Variants in SMURF1 observed in about 807,000 individuals in gnomAD.
SMURF1 encodes SMAD specific E3 ubiquitin protein ligase 1, also known as E3 ubiquitin-protein ligase SMURF1.
In SMURF1, 44 loss-of-function variants were observed where a neutral mutation model predicts 98.0. The observed-to-expected ratio is 0.45, with a 90% confidence interval of 0.35 to 0.58. SMURF1 has a LOEUF of 0.58. Ranked by LOEUF, SMURF1 falls within the 20% of genes least tolerant of loss-of-function variation. The pLI, the probability that SMURF1 is intolerant of heterozygous loss-of-function variation, is 0.00. For synonymous variants in SMURF1, 396 were observed against 374.9 expected (o/e 1.06, Z -0.65); for missense variants, 687 against 938.4 (o/e 0.73, Z 3.50).
At position 99,045,727 on chromosome 7, in the gene SMURF1, T is replaced by C. The variant is rs762709156; in HGVS notation, c.1227A>G (p.Glu409=). 1.2e-6 allele frequency: 2 copies of C among 1,614,068 alleles called. No homozygotes were observed. The highest frequency in any genetic ancestry group is 1.3e-5 in the African/African-American group (1 of 74,942). The change falls in exon 11 of 18, where the codon GAA becomes GAG. Residue 409 remains glutamate, a synonymous_variant. Coordinates refer to ENST00000361368, the MANE Select transcript of SMURF1 (RefSeq NM_181349.3). Reference sequence around the variant, plus strand: ...CCACACCACCGTAATCCAAACCTTCTTCCCCACGGAATTTCACCATCAGCC... The same window carrying C: ...CCACACCACCGTAATCCAAACCTTCCTCCCCACGGAATTTCACCATCAGCC... ...KKRLMVKFRG[E]EGLDYGGVAR... is the part of the protein sequence containing the mutation.
At chr7:99,051,719 GGGAGATTT>G (rs1452524480) in intron 7 of SMURF1, among the ~76,000 whole-genome samples, 1 of 152,136 alleles carries the variant, frequency 6.6e-6, no homozygotes, top group Non-Finnish European at 1.5e-5. Context: ...TTTCTAAACT[GGGAGATTT>G]GGAGCAATTG....
At chr7:99,066,324 A>G (rs545797372) in intron 1 of SMURF1, among the ~76,000 whole-genome samples, 1 of 152,096 alleles carries the variant, frequency 6.6e-6, no homozygotes, top group Non-Finnish European at 1.5e-5. Flanking sequence ...TGGTTTTTGG[A>G]GGTGCTGGTG....
intron 1 of SMURF1, among the ~76,000 whole-genome samples, chr7:99,078,941 C>T (rs183054362): frequency 3.9e-5 from 6 of 152,340 alleles, no homozygotes; most frequent in East Asian, 1.9e-4. Context: ...CCCCTGTCCA[C>T]GGAAAAATTG....
rs140622608 is a variant in SMURF1 at position 99,094,931 on chromosome 7, T to C, written c.56-33094A>G. 8.0e-3 allele frequency among the ~76,000 whole-genome samples: 1,218 copies of C among 152,310 alleles called. 8 individuals carry two copies. Among genetic ancestry groups the C allele is most frequent in the Non-Finnish European group, 0.013 (874 of 68,022 alleles). On this transcript the variant is annotated intron_variant, in intron 1 of 17. Coordinates refer to ENST00000361368, the MANE Select transcript of SMURF1 (RefSeq NM_181349.3). ...CAGAGGCTCCCTCAGTTTGGCTACC[T>C]GCACTGGCTCCATCAATGGCCACTA... is the stretch of plus-strand genomic sequence containing the variant.
At chr7:99,113,172 C>T (rs1034132218) in intron 1 of SMURF1, among the ~76,000 whole-genome samples, 6 of 152,012 alleles carry the variant, frequency 3.9e-5, no homozygotes, top group African/African-American at 9.7e-5. Context: ...ATTCAAGAAG[C>T]TAAACAAACT....
intron 2 of SMURF1, 57 bp from the exon 3 acceptor site, chr7:99,060,764 C>A: frequency 9.0e-7 from 1 of 1,106,724 alleles, no homozygotes; most frequent in South Asian, 1.4e-5. Context: ...CCATGTGACA[C>A]AGAACACACA....
rs143544626 is a variant in SMURF1 at position 99,051,374 on chromosome 7, G to A, written c.789C>T (p.His263=). ...LHTQTGVSTW[H]DPRIPRDLNS... ...AGGCTTACCTTGGTATCCTGGGGTC[G>A]TGCCACGTGCTAACTCCAGTCTGTG... The change falls in exon 8 of 18, where the codon CAC becomes CAT. Residue 263 remains histidine, a synonymous_variant. Coordinates refer to ENST00000361368, the MANE Select transcript of SMURF1 (RefSeq NM_181349.3). 1.8e-4 allele frequency: 290 copies of A among 1,614,044 alleles called. No individual in the cohort carries two copies. The highest frequency in any genetic ancestry group is 1.2e-3 in the East Asian group (53 of 44,878).
At position 99,052,244 on chromosome 7, in the gene SMURF1, G is replaced by T. The variant is rs1044934392; in HGVS notation, c.682C>A (p.Pro228Thr). 1 of 1,595,454 alleles carries T rather than the reference G, an allele frequency of 6.3e-7. No homozygotes were observed. The highest frequency in any genetic ancestry group is 1.7e-5 in the Admixed American group (1 of 58,580). The change falls in exon 7 of 18, where the codon CCA (proline) becomes ACA (threonine). Residue 228 changes from proline (P) to threonine (T), a missense_variant. Pro to Thr is a conservative substitution (Grantham distance 38, BLOSUM62 -1). This residue lies in a region of SMURF1 where 415 missense variants were observed against 508.4 expected (regional missense o/e 0.82). Coordinates refer to ENST00000361368, the MANE Select transcript of SMURF1 (RefSeq NM_181349.3). ...RGSLQTPQNRPHGHQSPELPE... is the reference protein window; with the variant it reads ...RGSLQTPQNRTHGHQSPELPE... Reference sequence around the variant, plus strand: ...AGTTCCGGGGACTGGTGGCCGTGTGGTCGGTTCTGGGGCGTCTGTAGTGAA... The same window carrying T: ...AGTTCCGGGGACTGGTGGCCGTGTGTTCGGTTCTGGGGCGTCTGTAGTGAA...
intron 1 of SMURF1, among the ~76,000 whole-genome samples, chr7:99,080,159 T>C (rs1434656338): frequency 6.6e-6 from 1 of 152,192 alleles, no homozygotes; most frequent in Non-Finnish European, 1.5e-5. Flanking sequence ...ATAGCTAGAA[T>C]GAAACATTTT....
Position 99,143,790 on chromosome 7 carries a change from A to G in SMURF1, c.-10T>C. On this transcript the variant is annotated 5_prime_UTR_variant, in exon 1 of 18. Transcript: ENST00000361368. ...TCCCGGGGTTCGACATCTCCCGCCA[A>G]CGATCGGGCAGCCGCGGATCCAGCG... 1 of 1,530,888 alleles carries G rather than the reference A, an allele frequency of 6.5e-7. No individual in the cohort carries two copies. The highest frequency in any genetic ancestry group is 8.8e-7 in the Non-Finnish European group (1 of 1,138,786). The allele number at this position is 1,530,888 out of a possible 1,614,324, so 94.8% of individuals were successfully genotyped here. A position where few individuals can be genotyped will look rare whatever the true frequency, so the allele number is the denominator to read the frequency against.
chr7:99,086,282 G>A (rs1036472921), intron 1 of SMURF1, among the ~76,000 whole-genome samples: 1 of 151,760 alleles, frequency 6.6e-6, no homozygotes, highest in African/African-American at 2.4e-5. Flanking sequence ...GGAGACGGAA[G>A]TTTCATTGAG....
chr7:99,142,839 G>T (rs999791538), intron 1 of SMURF1, among the ~76,000 whole-genome samples: 1 of 149,344 alleles, frequency 6.7e-6, no homozygotes, highest in South Asian at 2.1e-4. Context: ...GTGGTGAGAA[G>T]TGAGGGATGG....
intron 1 of SMURF1, among the ~76,000 whole-genome samples, chr7:99,104,481 A>G (rs1471664859): frequency 6.6e-6 from 1 of 152,130 alleles, no homozygotes; most frequent in Non-Finnish European, 1.5e-5. Flanking sequence ...AACCCACGTG[A>G]TCTTGGGCAA....
chr7:99,080,089 A>G (rs971964664), intron 1 of SMURF1, among the ~76,000 whole-genome samples: 3 of 152,174 alleles, frequency 2.0e-5, no homozygotes, highest in African/African-American at 7.2e-5. Context: ...AGAAAATAAA[A>G]CCACAAGGAA....
intron 6 of SMURF1, among the ~76,000 whole-genome samples, chr7:99,053,617 TTGTC>T (rs1795812466): frequency 2.0e-5 from 3 of 152,224 alleles, no homozygotes; most frequent in Admixed American, 6.5e-5. Context: ...AGACCCTGGG[TTGTC>T]TGTCCTACAG....
intron 1 of SMURF1, among the ~76,000 whole-genome samples, chr7:99,133,549 G>A (rs868077693): frequency 1.3e-5 from 2 of 151,262 alleles, no homozygotes; most frequent in African/African-American, 2.5e-5. Context: ...ACTCTCATAC[G>A]CCACTGGTGG....
intron 9 of SMURF1, 21 bp from the exon 10 acceptor site, chr7:99,047,903 A>C (rs1456887201): frequency 2.5e-6 from 4 of 1,610,858 alleles, no homozygotes; most frequent in Admixed American, 1.7e-5. Flanking sequence ...AGAGATGCAG[A>C]AAGTCACTCC....
intron 1 of SMURF1, among the ~76,000 whole-genome samples, chr7:99,104,959 A>G (rs893571126): frequency 1.3e-5 from 2 of 152,186 alleles, no homozygotes; most frequent in Non-Finnish European, 2.9e-5. Context: ...AGGCGCTCCT[A>G]GCAGCCTTCC....
At chr7:99,096,746 C>T (rs1796963699) in intron 1 of SMURF1, among the ~76,000 whole-genome samples, 1 of 152,140 alleles carries the variant, frequency 6.6e-6, no homozygotes, top group Non-Finnish European at 1.5e-5. Context: ...ATTGACAGAG[C>T]TAGTAGACAG....
Sources: gnomAD v4.1 joint callset for allele counts (sites outside exome capture counted in the v4.1 genomes callset) on GRCh38, gnomAD v4.1.1 for gene constraint, gnomAD v4.1.1 regional missense constraint, MANE v1.5 for transcripts, NCBI Gene and HGNC (gene_info 2026-07-23, HGNC 2026-07-21) for gene names.